GATA6: variants seen among roughly 807,000 people sequenced by gnomAD.
GATA6 encodes the protein GATA binding protein 6, also known as transcription factor GATA-6.
Under a neutral mutation model 48.1 loss-of-function variants are expected in GATA6, and 11 were observed. That is an observed-to-expected ratio of 0.23 (90% CI 0.14 to 0.38). GATA6 has a LOEUF of 0.38. Among genes scored for constraint, GATA6 ranks in the 10% least tolerant of loss-of-function variants. GATA6 has a pLI of 1.00. For synonymous variants in GATA6, 419 were observed against 396.1 expected, an observed-to-expected ratio of 1.06 and a Z score of -0.69; for missense variants, 795 against 850.3, an observed-to-expected ratio of 0.93 and a Z score of 0.81.
chr18:22,180,847 G>C (rs1354229935), intron 3 of GATA6, among the ~76,000 whole-genome samples: 1 of 151,994 alleles, frequency 6.6e-6, no homozygotes, highest in African/African-American at 2.4e-5. Flanking sequence ...AGACTGCCCA[G>C]AGCCATTTAG....
At chr18:22,174,031 C>T (rs544935880) in intron 2 of GATA6, among the ~76,000 whole-genome samples, 27 of 152,314 alleles carry the variant, frequency 1.8e-4, no homozygotes, top group African/African-American at 6.0e-4. Context: ...GAGATTTGCA[C>T]TGTTGGCTTG....
rs1254660850 is a variant in GATA6 at position 22,201,466 on chromosome 18, T to C, written c.*643T>C. 2 of 152,824 alleles carry C rather than the reference T, an allele frequency of 1.3e-5. No homozygotes were observed. Among genetic ancestry groups the C allele is most frequent in the African/African-American group, 4.8e-5 (2 of 41,470 alleles). 9.5% of individuals were successfully genotyped at this position (152,824 alleles called of 1,614,324 possible). Reference sequence around the variant, plus strand: ...ATTTTTCTTCCATGTATACAATAATTTTTTTAAAAAGTGCAATTTGCGTTG... The same window carrying C: ...ATTTTTCTTCCATGTATACAATAATCTTTTTAAAAAGTGCAATTTGCGTTG... On this transcript the variant is annotated 3_prime_UTR_variant, in exon 7 of 7. Coordinates refer to ENST00000269216, the MANE Select transcript of GATA6 (RefSeq NM_005257.6).
intron 6 of GATA6, among the ~76,000 whole-genome samples, chr18:22,197,790 TCC>T (rs2033409641): frequency 6.6e-6 from 1 of 151,512 alleles, no homozygotes; most frequent in Admixed American, 6.6e-5. Flanking sequence ...CCAAGCTGCT[TCC>T]CCTCCTTCTC....
At chr18:22,174,863 A>C (rs1243094140) in intron 2 of GATA6, among the ~76,000 whole-genome samples, 1 of 152,038 alleles carries the variant, frequency 6.6e-6, no homozygotes, top group Non-Finnish European at 1.5e-5. Flanking sequence ...CCTCTCGCTG[A>C]CTGGGTAGAT....
At chr18:22,178,463 TAC>T (rs1231362665) in intron 3 of GATA6, among the ~76,000 whole-genome samples, 4 of 152,238 alleles carry the variant, frequency 2.6e-5, no homozygotes, top group Admixed American at 2.0e-4. Context: ...CTAAATATGT[TAC>T]AGTTAGATGC....
Position 22,171,784 on chromosome 18 carries a change from A to C in GATA6, c.640A>C (p.Asn214His). 5 of 1,328,284 alleles carry C rather than the reference A, an allele frequency of 3.8e-6. No individual in the cohort carries two copies. Among genetic ancestry groups the C allele is most frequent in the Non-Finnish European group, 4.8e-6 (5 of 1,048,722 alleles). 82.3% of individuals were successfully genotyped at this position (1,328,284 alleles called of 1,614,324 possible). A position where few individuals can be genotyped will look rare whatever the true frequency, so the allele number is the denominator to read the frequency against. ...GCAGGGGTCGGGCAGTGGGCCAGCC[A>C]ACCACGCGGGCGGCGCGGGCGCGCA... Reference protein sequence around the residue: ...HLQGSGSGPANHAGGAGAHPG... With the variant: ...HLQGSGSGPAHHAGGAGAHPG... Residue 214 changes from asparagine (N) to histidine (H), a missense_variant, in exon 2 of 7, where the codon AAC becomes CAC. Asn to His is a moderately conservative substitution (Grantham distance 68). This residue lies in a region of GATA6 where 591 missense variants were observed against 570.0 expected (regional missense o/e 1.04). Transcript: ENST00000269216. This position sits in a 1 kb window ranked among gnomAD's most constrained non-coding sequence, Gnocchi z 7.1.
At position 22,177,204 on chromosome 18, in the gene GATA6, C is replaced by A; in HGVS notation, c.1302+83C>A. The A allele has an allele frequency of 3.8e-6, 5 of 1,309,448 alleles. No individual in the cohort carries two copies. The South Asian group carries it at 7.7e-5, about 20-fold the overall frequency. 81.1% of individuals were successfully genotyped at this position (1,309,448 alleles called of 1,614,324 possible). A position where few individuals can be genotyped will look rare whatever the true frequency, so the allele number is the denominator to read the frequency against. On this transcript the variant is annotated intron_variant, in intron 3 of 6. Coordinates refer to ENST00000269216, the MANE Select transcript of GATA6 (RefSeq NM_005257.6). ...GCCGGCCCCGCCCTGGCTCGGCCTG[C>A]CTTGGGCGTCCCCCTCCCAGGGGAC... is the stretch of plus-strand genomic sequence containing the variant.
At chr18:22,187,495 A>AT (rs1555629866) in intron 6 of GATA6, among the ~76,000 whole-genome samples, 3 of 145,420 alleles carry the variant, frequency 2.1e-5, no homozygotes, top group Admixed American at 1.3e-4. Context: ...AAAAAAAAAA[A>AT]TTTTTTTTCT....
At chr18:22,190,763 G>A (rs1480424401) in intron 6 of GATA6, among the ~76,000 whole-genome samples, 1 of 152,148 alleles carries the variant, frequency 6.6e-6, no homozygotes, top group Non-Finnish European at 1.5e-5. Context: ...AATCATCACA[G>A]TTATTAATAT....
At position 22,170,696 on chromosome 18, in the gene GATA6, G is replaced by A. The variant is rs1050626933; in HGVS notation, c.-37-412G>A. ...GGATGCGGCGGTGCCGACACGCACA[G>A]CTACTTAAATTCTTTTGTGTGTCAT... On this transcript the variant is annotated intron_variant, in intron 1 of 6. Coordinates refer to ENST00000269216, the MANE Select transcript of GATA6 (RefSeq NM_005257.6). This position sits in a 1 kb window ranked among gnomAD's most constrained non-coding sequence, Gnocchi z 6.7. 3.3e-5 allele frequency among the ~76,000 whole-genome samples: 5 copies of A among 152,188 alleles called. No homozygotes were observed. Among genetic ancestry groups the A allele is most frequent in the African/African-American group, 1.2e-4 (5 of 41,458 alleles).
chr18:22,183,884 T>A (rs2033229028), intron 6 of GATA6, among the ~76,000 whole-genome samples: 1 of 152,246 alleles, frequency 6.6e-6, no homozygotes, highest in Non-Finnish European at 1.5e-5. Flanking sequence ...TGTGTCCTTG[T>A]GACCCTTGGG....
chr18:22,177,247 T>G (rs1598736172), intron 3 of GATA6, 126 bp downstream of exon 3: 1 of 857,326 alleles, frequency 1.2e-6, no homozygotes, highest in Non-Finnish European at 1.7e-6. Context: ...GCCGCTGCGG[T>G]CCCACCCTAG....
chr18:22,190,059 GAAGA>G (rs1180214599), intron 6 of GATA6, among the ~76,000 whole-genome samples: 2 of 152,170 alleles, frequency 1.3e-5, no homozygotes, highest in Non-Finnish European at 2.9e-5. Flanking sequence ...TCTTCAGAGA[GAAGA>G]AAGAATGTTT....
intron 4 of GATA6, among the ~76,000 whole-genome samples, 198 bp from the exon 5 acceptor site, chr18:22,182,559 T>C (rs2033212299): frequency 6.6e-6 from 1 of 152,176 alleles, no homozygotes; most frequent in African/African-American, 2.4e-5. Context: ...GGTTTCGTCA[T>C]GTTGGCCAGG....
chr18:22,173,573 T>A (rs2033083864), intron 2 of GATA6, among the ~76,000 whole-genome samples: 1 of 152,126 alleles, frequency 6.6e-6, no homozygotes. Flanking sequence ...GAAATGCAAG[T>A]GGTCTGAAAG....
intron 6 of GATA6, among the ~76,000 whole-genome samples, chr18:22,184,564 G>A (rs1450037566): frequency 2.6e-5 from 4 of 151,588 alleles, no homozygotes; most frequent in African/African-American, 4.9e-5. Context: ...GCGCAATCTC[G>A]GCTCACTGCA....
chr18:22,183,160 T>C (rs1282443361), intron 6 of GATA6, 117 bp downstream of exon 6: 1 of 808,194 alleles, frequency 1.2e-6, no homozygotes, highest in Non-Finnish European at 2.1e-6. Flanking sequence ...GTTTAGTTAG[T>C]TGATACCTAA....
rs2033257720 is a variant in GATA6, at chr18:22,185,929, A to G, written c.1620+2886A>G. Among the ~76,000 whole-genome samples, 1 of 152,178 alleles carries G rather than the reference A, an allele frequency of 6.6e-6. No individual in the cohort carries two copies. Reference sequence around the variant, plus strand: ...TGAGCAGCTGGTAGAAGCATTTCTAAAAGGTGCCTGTGTTGACAAAGGTGT... The same window carrying G: ...TGAGCAGCTGGTAGAAGCATTTCTAGAAGGTGCCTGTGTTGACAAAGGTGT... On this transcript the variant is annotated intron_variant, in intron 6 of 6. Transcript: ENST00000269216. This position sits in a 1 kb window ranked among gnomAD's most constrained non-coding sequence, Gnocchi z 4.3.
At chr18:22,190,211 C>G (rs911163180) in intron 6 of GATA6, among the ~76,000 whole-genome samples, 3 of 151,998 alleles carry the variant, frequency 2.0e-5, no homozygotes, top group Admixed American at 2.0e-4. Context: ...ATTTTCTTAT[C>G]AATGTTATAC....
Sources: allele counts gnomAD v4.1 joint callset (sites outside exome capture counted in the v4.1 genomes callset), GRCh38; gene constraint gnomAD v4.1.1; regional missense constraint gnomAD v4.1.1; non-coding constraint Gnocchi (gnomAD v3.1); transcripts MANE v1.5; gene names NCBI Gene and HGNC (gene_info 2026-07-23, HGNC 2026-07-21).